The following GALNT13 variants were observed in gnomAD, a reference collection of about 807,000 sequenced individuals.
The protein encoded by GALNT13 is polypeptide N-acetylgalactosaminyltransferase 13.
GALNT13 carries 28 observed loss-of-function variants against 64.2 expected under a neutral mutation model. The ratio of observed to expected loss-of-function variants is 0.44; its 90% CI spans 0.32 to 0.60. The LOEUF (loss-of-function observed/expected upper bound fraction) is 0.60. Ranked by LOEUF, GALNT13 falls within the 20% of genes least tolerant of loss-of-function variation. The pLI, the probability that GALNT13 is intolerant of heterozygous loss-of-function variation, is 0.05. For synonymous variants in GALNT13, 214 were observed against 224.6 expected, an observed-to-expected ratio of 0.95 and a Z score of 0.42; for missense variants, 577 against 669.8, an observed-to-expected ratio of 0.86 and a Z score of 1.53.
chr2:153,138,408 A>G, the GALNT13 span, among the ~76,000 whole-genome samples: 3 of 152,078 alleles, frequency 2.0e-5, no homozygotes, highest in African/African-American at 7.2e-5. Context: ...ATTGTGGGGG[A>G]AACGACCCTA....
the GALNT13 span, among the ~76,000 whole-genome samples, chr2:153,770,220 T>C: frequency 7.3e-6 from 1 of 137,310 alleles, no homozygotes; most frequent in Non-Finnish European, 1.6e-5. Context: ...TCTCCCCTTA[T>C]TTTTTGAGTT....
chr2:153,650,194 A>G, the GALNT13 span, among the ~76,000 whole-genome samples: 1 of 152,120 alleles, frequency 6.6e-6, no homozygotes, highest in African/African-American at 2.4e-5. Context: ...CTTCTTGTTG[A>G]ATTGATCCCT....
chr2:153,671,193 A>C, the GALNT13 span, among the ~76,000 whole-genome samples: 8 of 152,292 alleles, frequency 5.3e-5, no homozygotes, highest in Non-Finnish European at 1.0e-4. Context: ...TTCAGGAAAT[A>C]CAGAGAACAC....
chr2:153,089,910 C>T, the GALNT13 span, among the ~76,000 whole-genome samples: 2 of 152,036 alleles, frequency 1.3e-5, no homozygotes, highest in Non-Finnish European at 2.9e-5. Flanking sequence ...TCTTAATAAC[C>T]AACCTTCTGA....
At chr2:154,110,464 G>A (rs58139150) in intron 3 of GALNT13, among the ~76,000 whole-genome samples, 23,981 of 146,588 alleles carry the variant, frequency 0.16, 3,705 homozygotes, top group East Asian at 0.74. Context: ...ACAATAGGCC[G>A]TCTGCAAGCT....
At chr2:153,084,041 G>T in the GALNT13 span, among the ~76,000 whole-genome samples, 1 of 152,110 alleles carries the variant, frequency 6.6e-6, no homozygotes, top group Non-Finnish European at 1.5e-5. Context: ...AAGATCAGTT[G>T]TCTGTAAGAA....
At chr2:154,053,318 C>A (rs746615558) in intron 3 of GALNT13, among the ~76,000 whole-genome samples, 3 of 152,048 alleles carry the variant, frequency 2.0e-5, no homozygotes, top group Non-Finnish European at 4.4e-5. Flanking sequence ...TGGTACATGG[C>A]GATAGCTATA....
At chr2:153,242,546 G>A in the GALNT13 span, among the ~76,000 whole-genome samples, 2 of 152,208 alleles carry the variant, frequency 1.3e-5, no homozygotes, top group Non-Finnish European at 2.9e-5. Flanking sequence ...AATATTGACT[G>A]TCCTGGCTAG....
At chr2:153,707,002 G>C in the GALNT13 span, among the ~76,000 whole-genome samples, 1 of 152,152 alleles carries the variant, frequency 6.6e-6, no homozygotes, top group East Asian at 1.9e-4. Flanking sequence ...TTTCATGATA[G>C]TGAATAAGAC....
the GALNT13 span, among the ~76,000 whole-genome samples, chr2:153,271,084 C>T: frequency 1.5e-3 from 224 of 152,144 alleles, no homozygotes; most frequent in African/African-American, 5.2e-3. Flanking sequence ...ATGCCAAAAA[C>T]TCTCTCAATA....
chr2:153,698,162 A>T, the GALNT13 span, among the ~76,000 whole-genome samples: 2 of 152,160 alleles, frequency 1.3e-5, no homozygotes, highest in Admixed American at 1.3e-4. Flanking sequence ...AAAGAGAGAT[A>T]ACACTATGAA....
the GALNT13 span, among the ~76,000 whole-genome samples, chr2:153,296,460 A>G: frequency 2.0e-5 from 3 of 152,218 alleles, no homozygotes; most frequent in African/African-American, 7.2e-5. Flanking sequence ...ATATTCATAA[A>G]TTCCAGGGTT....
At chr2:153,839,753 A>G in the GALNT13 span, among the ~76,000 whole-genome samples, 2 of 151,914 alleles carry the variant, frequency 1.3e-5, no homozygotes, top group African/African-American at 4.8e-5. Flanking sequence ...TGGTACAATT[A>G]GAGACAGGAA....
chr2:153,744,239 T>C, the GALNT13 span, among the ~76,000 whole-genome samples: 129 of 152,308 alleles, frequency 8.5e-4, no homozygotes, highest in African/African-American at 2.8e-3. Flanking sequence ...TTTAGTTTTT[T>C]TGAGAAACCT....
the GALNT13 span, among the ~76,000 whole-genome samples, chr2:153,835,747 CATATT>C: frequency 1.3e-5 from 2 of 151,988 alleles, no homozygotes; most frequent in African/African-American, 2.4e-5. Flanking sequence ...CACTTCCTGT[CATATT>C]AAAATACTTT....
intron 4 of GALNT13, among the ~76,000 whole-genome samples, chr2:154,198,180 T>C (rs1478819879): frequency 1.3e-5 from 2 of 152,214 alleles, no homozygotes; most frequent in East Asian, 3.9e-4. Flanking sequence ...CATGCATATG[T>C]ATTCAAAGTA....
At chr2:153,357,828 T>A in the GALNT13 span, among the ~76,000 whole-genome samples, 2 of 152,222 alleles carry the variant, frequency 1.3e-5, no homozygotes, top group Non-Finnish European at 2.9e-5. Context: ...ATTCTAAATA[T>A]CTGTTTTTTG....
At chr2:153,439,277 TGAG>T in the GALNT13 span, among the ~76,000 whole-genome samples, 1 of 152,194 alleles carries the variant, frequency 6.6e-6, no homozygotes, top group Non-Finnish European at 1.5e-5. Context: ...GGGACCCACT[TGAG>T]GAGGCAGTCT....
At chr2:153,984,321 TCTTGTA>T (rs1694655762) in intron 3 of GALNT13, among the ~76,000 whole-genome samples, 1 of 151,770 alleles carries the variant, frequency 6.6e-6, no homozygotes, top group Non-Finnish European at 1.5e-5. Context: ...ATGTGTGCAA[TCTTGTA>T]CTTGTATTTG....
Sources: gnomAD v4.1 joint callset for allele counts (sites outside exome capture counted in the v4.1 genomes callset) on GRCh38, gnomAD v4.1.1 for gene constraint, MANE v1.5 for transcripts, NCBI Gene and HGNC (gene_info 2026-07-23, HGNC 2026-07-21) for gene names.